Variants in OPCML observed in about 807,000 individuals in gnomAD.
OPCML encodes the protein opioid binding protein/cell adhesion molecule like, also known as opioid-binding protein/cell adhesion molecule.
In OPCML, 13 loss-of-function variants were observed where a neutral mutation model predicts 37.8. The ratio of observed to expected loss-of-function variants is 0.34; its 90% CI spans 0.22 to 0.55. The LOEUF is 0.55. Among genes scored for constraint, OPCML ranks in the 20% least tolerant of loss-of-function variants. OPCML has a pLI of 0.91. For missense variants in OPCML, 341 were observed against 435.6 expected, an observed-to-expected ratio of 0.78 and a Z score of 1.93; for synonymous variants, 176 against 168.8, an observed-to-expected ratio of 1.04 and a Z score of -0.33.
intron 1 of OPCML, among the ~76,000 whole-genome samples, chr11:133,083,994 T>G (rs984254113): frequency 6.6e-6 from 1 of 152,228 alleles, no homozygotes; most frequent in African/African-American, 2.4e-5. Context: ...TGTTACTAAT[T>G]GACTTTTTGC....
intron 2 of OPCML, among the ~76,000 whole-genome samples, chr11:132,776,074 C>T (rs541253948): frequency 6.6e-6 from 1 of 152,218 alleles, no homozygotes; most frequent in African/African-American, 2.4e-5. Flanking sequence ...GGACTACAGG[C>T]ATGCCTCACC....
At chr11:132,928,403 G>C (rs1945072865) in intron 2 of OPCML, among the ~76,000 whole-genome samples, 1 of 151,850 alleles carries the variant, frequency 6.6e-6, no homozygotes, top group Non-Finnish European at 1.5e-5. Flanking sequence ...TAATAATAAA[G>C]AGGCCAATTT....
intron 3 of OPCML, among the ~76,000 whole-genome samples, chr11:132,533,099 T>C (rs1476941785): frequency 1.3e-5 from 2 of 152,178 alleles, no homozygotes; most frequent in African/African-American, 4.8e-5. Context: ...ATGCCCAAAT[T>C]ACTCAAAGAA....
intron 2 of OPCML, among the ~76,000 whole-genome samples, chr11:132,896,580 G>T (rs11522697): frequency 0.02 from 3,104 of 152,340 alleles, 45 homozygotes; most frequent in Middle Eastern, 0.048. Context: ...TCTGCCTTCA[G>T]CTGGCAAGGC....
chr11:132,940,197 C>T (rs528109800), intron 2 of OPCML, among the ~76,000 whole-genome samples: 1 of 152,294 alleles, frequency 6.6e-6, no homozygotes, highest in African/African-American at 2.4e-5. Flanking sequence ...TCACTCTTCT[C>T]TGAGCTGTGC....
chr11:133,070,284 G>A (rs1025939714), intron 1 of OPCML, among the ~76,000 whole-genome samples: 22 of 152,156 alleles, frequency 1.4e-4, no homozygotes, highest in African/African-American at 4.8e-4. Context: ...AAAGGCTGTC[G>A]TGTCTTTCAA....
intron 1 of OPCML, among the ~76,000 whole-genome samples, chr11:132,961,124 T>G (rs1329462641): frequency 6.6e-6 from 1 of 152,134 alleles, no homozygotes; most frequent in East Asian, 1.9e-4. Context: ...AACGGAAAAC[T>G]AATAAATAGT....
At chr11:132,808,965 T>C (rs563668030) in intron 2 of OPCML, among the ~76,000 whole-genome samples, 2 of 152,182 alleles carry the variant, frequency 1.3e-5, no homozygotes, top group East Asian at 3.9e-4. Context: ...AAGCTTTGCT[T>C]TTTTAAAATT....
intron 2 of OPCML, among the ~76,000 whole-genome samples, chr11:132,748,788 T>A (rs1945733012): frequency 6.6e-6 from 1 of 152,158 alleles, no homozygotes; most frequent in African/African-American, 2.4e-5. Context: ...GGATCTGTGC[T>A]GGAGGGGATG....
chr11:133,238,957 G>A (rs1053398515), intron 1 of OPCML, among the ~76,000 whole-genome samples: 1 of 152,200 alleles, frequency 6.6e-6, no homozygotes, highest in South Asian at 2.1e-4. Context: ...CATCATTGGA[G>A]TGCTGGATCA....
At position 133,093,346 on chromosome 11, in the gene OPCML, G is replaced by T. The variant is rs911588928; in HGVS notation, c.62-150336C>A. ...CACGGATACATGTGCAGAATGTACAGGTTTGCTACATAGGTATACATGTGC... is the reference window on the plus strand; with the variant it reads ...CACGGATACATGTGCAGAATGTACATGTTTGCTACATAGGTATACATGTGC... On this transcript the variant is annotated intron_variant, in intron 1 of 7. Coordinates refer to ENST00000524381, the MANE Select transcript of OPCML (RefSeq NM_001012393.5). Among the ~76,000 whole-genome samples, 4 of 151,652 alleles carry T rather than the reference G, an allele frequency of 2.6e-5. 1 individual carries two copies. The highest frequency in any genetic ancestry group is 2.6e-4 in the Admixed American group (4 of 15,214).
At chr11:132,727,483 A>G (rs1944927655) in intron 2 of OPCML, among the ~76,000 whole-genome samples, 1 of 152,162 alleles carries the variant, frequency 6.6e-6, no homozygotes, top group Non-Finnish European at 1.5e-5. Flanking sequence ...CCCTATAGCC[A>G]TGGGCCTTTC....
At chr11:133,087,721 A>G (rs1179060159) in intron 1 of OPCML, among the ~76,000 whole-genome samples, 1 of 152,238 alleles carries the variant, frequency 6.6e-6, no homozygotes, top group African/African-American at 2.4e-5. Flanking sequence ...GCCAGAGAAC[A>G]GTATTTGGAA....
chr11:132,678,019 C>T (rs1270097217), intron 2 of OPCML, among the ~76,000 whole-genome samples: 2 of 152,094 alleles, frequency 1.3e-5, no homozygotes, highest in Non-Finnish European at 2.9e-5. Context: ...GGGCTGTCAT[C>T]CAAAATGTAC....
intron 1 of OPCML, among the ~76,000 whole-genome samples, chr11:133,050,106 C>T (rs1271330078): frequency 6.6e-6 from 1 of 152,164 alleles, no homozygotes; most frequent in Non-Finnish European, 1.5e-5. Context: ...TAAACAGCCC[C>T]TGGGCCAGCA....
At chr11:133,332,890 G>A (rs1005043790) in intron 1 of OPCML, among the ~76,000 whole-genome samples, 1 of 152,032 alleles carries the variant, frequency 6.6e-6, no homozygotes, top group African/African-American at 2.4e-5. Flanking sequence ...AAGGAATCAT[G>A]TTACCCGACT....
chr11:132,462,200 G>A (rs1369141109), intron 4 of OPCML, among the ~76,000 whole-genome samples: 3 of 152,120 alleles, frequency 2.0e-5, no homozygotes. Flanking sequence ...CTGGTGGGAA[G>A]AATCCCCCCA....
chr11:132,609,990 A>G (rs988731225), intron 3 of OPCML, among the ~76,000 whole-genome samples: 1 of 151,774 alleles, frequency 6.6e-6, no homozygotes, highest in Non-Finnish European at 1.5e-5. Flanking sequence ...ACCATCACAC[A>G]CACACACAAA....
intron 2 of OPCML, among the ~76,000 whole-genome samples, chr11:132,930,362 G>A (rs75979722): frequency 0.071 from 10,739 of 151,832 alleles, 432 homozygotes; most frequent in Middle Eastern, 0.16. Flanking sequence ...AGACAGTGTG[G>A]CACCCTGTCT....
Sources: gnomAD v4.1 joint callset for allele counts (sites outside exome capture counted in the v4.1 genomes callset) on GRCh38, gnomAD v4.1.1 for gene constraint, MANE v1.5 for transcripts, NCBI Gene and HGNC (gene_info 2026-07-23, HGNC 2026-07-21) for gene names.